The following MAPK4 variants were observed in gnomAD, a reference collection of about 807,000 sequenced individuals.
MAPK4 encodes the protein Erk3-related.
MAPK4 carries 22 observed loss-of-function variants against 47.7 expected under a neutral mutation model. The ratio of observed to expected loss-of-function variants is 0.46; its 90% confidence interval spans 0.33 to 0.66. The LOEUF is 0.66. MAPK4 is among the 30% of genes least tolerant of loss of function. The probability of loss-of-function intolerance (pLI) is 0.02; values close to 1 mark genes in which losing one functional copy is unlikely to be tolerated. For synonymous variants in MAPK4, 390 were observed against 365.7 expected (o/e 1.07, Z -0.76); for missense variants, 736 against 831.7 (o/e 0.88, Z 1.42).
At chr18:50,722,422 C>T (rs1568098249) in intron 4 of MAPK4, among the ~76,000 whole-genome samples, 1 of 152,220 alleles carries the variant, frequency 6.6e-6, no homozygotes, top group Non-Finnish European at 1.5e-5. Flanking sequence ...TGGTGTGCTG[C>T]AAAGAACAGG....
chr18:50,617,525 C>A (rs1040978669), intron 1 of MAPK4, among the ~76,000 whole-genome samples: 4 of 152,140 alleles, frequency 2.6e-5, no homozygotes, highest in Non-Finnish European at 5.9e-5. Context: ...AAACCCTTGA[C>A]AAATTCCAGT....
chr18:50,653,026 T>A (rs1367252447), intron 1 of MAPK4, among the ~76,000 whole-genome samples: 2 of 151,714 alleles, frequency 1.3e-5, no homozygotes, highest in East Asian at 3.9e-4. Context: ...ACAAAAGTTT[T>A]AAAAAAGAAA....
rs556911076 is a variant in MAPK4 at position 50,605,445 on chromosome 18, G to A, written c.-871+45202G>A. Among the ~76,000 whole-genome samples the A allele has an allele frequency of 7.2e-5, 11 of 152,304 alleles. No individual in the cohort carries two copies. In the South Asian group the frequency reaches 2.1e-3, roughly 29 times the overall value. ...CATGGGTTATATTACTTCTCCTAGA[G>A]GTGGGTCCTCTGCTCTAGGGCCCAA... On this transcript the variant is annotated intron_variant, in intron 1 of 5. Coordinates refer to ENST00000400384, the MANE Select transcript of MAPK4 (RefSeq NM_002747.4).
intron 1 of MAPK4, among the ~76,000 whole-genome samples, chr18:50,643,441 T>A (rs2042958249): frequency 6.6e-6 from 1 of 152,250 alleles, no homozygotes; most frequent in Non-Finnish European, 1.5e-5. Flanking sequence ...GAGGATCACT[T>A]GAACCTGGGA....
At chr18:50,681,655 A>C (rs918582668) in intron 2 of MAPK4, among the ~76,000 whole-genome samples, 7 of 152,328 alleles carry the variant, frequency 4.6e-5, no homozygotes, top group African/African-American at 1.7e-4. Context: ...TGATCCCAGC[A>C]CCATCTCTTG....
intron 1 of MAPK4, among the ~76,000 whole-genome samples, chr18:50,621,137 T>C (rs1397940086): frequency 6.6e-6 from 1 of 152,168 alleles, no homozygotes; most frequent in African/African-American, 2.4e-5. Context: ...TTTTCCAGAT[T>C]AGGAAACTGA....
intron 1 of MAPK4, among the ~76,000 whole-genome samples, chr18:50,566,891 G>T (rs1375813792): frequency 2.6e-5 from 4 of 152,126 alleles, no homozygotes; most frequent in Non-Finnish European, 5.9e-5. Context: ...TTCGTATTTT[G>T]CTGTGTATTT....
At chr18:50,632,864 C>T (rs2042844492) in intron 1 of MAPK4, among the ~76,000 whole-genome samples, 1 of 152,156 alleles carries the variant, frequency 6.6e-6, no homozygotes. Context: ...AGGTGATCCA[C>T]CTGCCTTGGC....
intron 1 of MAPK4, among the ~76,000 whole-genome samples, chr18:50,625,695 G>A (rs940957446): frequency 2.6e-5 from 4 of 152,098 alleles, no homozygotes; most frequent in African/African-American, 9.7e-5. Context: ...GCTGGACCCA[G>A]GATTGGTGAG....
intron 1 of MAPK4, among the ~76,000 whole-genome samples, chr18:50,625,724 A>T (rs1447559478): frequency 6.6e-6 from 1 of 152,092 alleles, no homozygotes; most frequent in Non-Finnish European, 1.5e-5. Flanking sequence ...TTTATACAGC[A>T]TTGGGAGATC....
At chr18:50,582,449 T>C (rs990983213) in intron 1 of MAPK4, among the ~76,000 whole-genome samples, 1 of 152,214 alleles carries the variant, frequency 6.6e-6, no homozygotes, top group African/African-American at 2.4e-5. Flanking sequence ...CACAGAGATG[T>C]TATGGTTGTT....
At chr18:50,687,707 C>T (rs1339201597) in intron 2 of MAPK4, among the ~76,000 whole-genome samples, 2 of 152,186 alleles carry the variant, frequency 1.3e-5, no homozygotes, top group South Asian at 2.1e-4. Context: ...CCTGGCAACT[C>T]GAGAAGAGCA....
At chr18:50,690,940 C>A (rs1036724768) in intron 2 of MAPK4, among the ~76,000 whole-genome samples, 7 of 151,672 alleles carry the variant, frequency 4.6e-5, no homozygotes, top group African/African-American at 1.5e-4. Flanking sequence ...TGTGAAGGAA[C>A]AAAAGTCTGT....
intron 2 of MAPK4, among the ~76,000 whole-genome samples, chr18:50,709,940 A>G (rs1323024261): frequency 6.6e-6 from 1 of 152,000 alleles, no homozygotes; most frequent in Non-Finnish European, 1.5e-5. Context: ...ACAAGGGATG[A>G]TCTGAATCAT....
At chr18:50,567,552 G>A (rs186703085) in intron 1 of MAPK4, among the ~76,000 whole-genome samples, 68 of 152,276 alleles carry the variant, frequency 4.5e-4, no homozygotes, top group African/African-American at 1.6e-3. Flanking sequence ...CCAAAATGGT[G>A]TACCAGTTTA....
At chr18:50,677,122 T>C (rs1379684024) in intron 2 of MAPK4, among the ~76,000 whole-genome samples, 2 of 152,160 alleles carry the variant, frequency 1.3e-5, no homozygotes, top group African/African-American at 4.8e-5. Context: ...ACGCTCCTTA[T>C]GAGAATCTAA....
intron 1 of MAPK4, among the ~76,000 whole-genome samples, chr18:50,565,200 G>A (rs892341336): frequency 1.3e-5 from 2 of 152,174 alleles, no homozygotes; most frequent in Non-Finnish European, 2.9e-5. Flanking sequence ...TAAACCTAGG[G>A]TGACCTATAC....
Position 50,664,438 on chromosome 18 carries a change from G to A in MAPK4, c.480G>A (p.Glu160=). The change falls in exon 2 of 6, where the codon GAG becomes GAA. Residue 160 remains glutamate, a synonymous_variant. Transcript: ENST00000400384. The surrounding 1 kb of genome is among the most constrained non-coding windows in gnomAD (Gnocchi z 6.0). ...CCGCCAACATCTTCATCAGCACAGAGGACCTCGTGCTCAAGATTGGGGATT... is the reference window on the plus strand; with the variant it reads ...CCGCCAACATCTTCATCAGCACAGAAGACCTCGTGCTCAAGATTGGGGATT... ...LKPANIFIST[E]DLVLKIGDFG... is the part of the protein sequence containing the mutation. 1 of 1,613,740 alleles carries A rather than the reference G, an allele frequency of 6.2e-7. No homozygotes were observed. The highest frequency in any genetic ancestry group is 8.5e-7 in the Non-Finnish European group (1 of 1,179,702).
intron 1 of MAPK4, among the ~76,000 whole-genome samples, chr18:50,568,688 C>G (rs557268348): frequency 1.1e-4 from 16 of 152,258 alleles, no homozygotes; most frequent in African/African-American, 3.9e-4. Context: ...ATTTTACTAT[C>G]TTAAATTTCC....
Sources: gnomAD v4.1 joint callset for allele counts (sites outside exome capture counted in the v4.1 genomes callset) on GRCh38, gnomAD v4.1.1 for gene constraint, Gnocchi (gnomAD v3.1) non-coding constraint, MANE v1.5 for transcripts, NCBI Gene and HGNC (gene_info 2026-07-23, HGNC 2026-07-21) for gene names.